The following UIMC1 variants were observed in gnomAD, a reference collection of about 807,000 sequenced individuals.
UIMC1 encodes ubiquitin interaction motif containing 1.
Under a neutral mutation model 84.9 loss-of-function variants are expected in UIMC1, and 42 were observed. The ratio of observed to expected loss-of-function variants is 0.49; its 90% CI spans 0.39 to 0.64. The LOEUF (loss-of-function observed/expected upper bound fraction) is 0.64, where lower values mean the gene tolerates loss of function less well. UIMC1 is among the 30% of genes least tolerant of loss of function. The pLI, the probability that UIMC1 is intolerant of heterozygous loss-of-function variation, is 0.00. For missense variants in UIMC1, 825 were observed against 847.6 expected (o/e 0.97, Z 0.33); for synonymous variants, 281 against 293.0 (o/e 0.96, Z 0.42).
intron 1 of UIMC1, among the ~76,000 whole-genome samples, chr5:177,016,097 G>T (rs1359548791): frequency 2.6e-5 from 4 of 151,912 alleles, no homozygotes; most frequent in Non-Finnish European, 5.9e-5. Flanking sequence ...GGACGCGGTG[G>T]CTCATGCCCA....
intron 10 of UIMC1, among the ~76,000 whole-genome samples, chr5:176,935,839 A>G (rs1763652534): frequency 6.6e-6 from 1 of 152,178 alleles, no homozygotes; most frequent in African/African-American, 2.4e-5. Flanking sequence ...AGGCATATCT[A>G]TAATAAGAAT....
chr5:177,003,899 G>A lies in UIMC1; in HGVS notation c.-9+2751C>T, dbSNP rs539362544. Among the ~76,000 whole-genome samples the A allele has an allele frequency of 1.2e-4, 19 of 152,252 alleles. No homozygotes were observed. The South Asian group carries it at 3.7e-3, about 30-fold the overall frequency. On this transcript the variant is annotated intron_variant, in intron 1 of 14. Transcript: ENST00000511320. ...GATGGAGTGCAGTGGCATGATAATA[G>A]CTCACTGCAGCCTCGACTTCCCAGG...
intron 1 of UIMC1, among the ~76,000 whole-genome samples, chr5:177,003,603 A>G (rs1774848008): frequency 6.6e-6 from 1 of 152,198 alleles, no homozygotes; most frequent in Non-Finnish European, 1.5e-5. Flanking sequence ...CAGTGAGCCA[A>G]GACTGCGCCA....
chr5:176,953,944 C>A (rs1238721667), intron 8 of UIMC1, among the ~76,000 whole-genome samples: 1 of 152,030 alleles, frequency 6.6e-6, no homozygotes, highest in Admixed American at 6.6e-5. Flanking sequence ...TATATAACTT[C>A]TAAATTATAT....
chr5:176,963,837 G>C (rs777761693), intron 6 of UIMC1, among the ~76,000 whole-genome samples: 1 of 147,686 alleles, frequency 6.8e-6, no homozygotes, highest in Non-Finnish European at 1.5e-5. Context: ...ACACAATCTG[G>C]TCATTTCTGA....
chr5:176,928,952 T>TA lies in UIMC1; in HGVS notation c.1597+14382dup, dbSNP rs991197276. ...GGCAACAGAGTGAAACTACGTCTTT[T>TA]AAAAAAAAAATTATTAATTGGCCGG... On this transcript the variant is annotated intron_variant, in intron 10 of 14. Coordinates refer to ENST00000511320, the MANE Select transcript of UIMC1 (RefSeq NM_001199298.2). Among the ~76,000 whole-genome samples the TA allele has an allele frequency of 1.9e-3, 286 of 148,780 alleles. 2 individuals are homozygous for TA. Among genetic ancestry groups the TA allele is most frequent in the African/African-American group, 6.5e-3 (263 of 40,446 alleles).
intron 11 of UIMC1, among the ~76,000 whole-genome samples, chr5:176,909,583 A>T (rs1416826440): frequency 6.6e-6 from 1 of 152,218 alleles, no homozygotes; most frequent in Non-Finnish European, 1.5e-5. Flanking sequence ...TATCTTGGAC[A>T]TCTCTTTCTG....
intron 10 of UIMC1, among the ~76,000 whole-genome samples, chr5:176,932,405 T>C (rs1354010738): frequency 1.3e-5 from 2 of 152,196 alleles, no homozygotes; most frequent in Non-Finnish European, 2.9e-5. Context: ...AGTTAAAAAC[T>C]ATAAGCAATG....
At chr5:176,956,222 A>G (rs892909240) in intron 7 of UIMC1, among the ~76,000 whole-genome samples, 187 bp from the exon 8 acceptor site, 6 of 152,226 alleles carry the variant, frequency 3.9e-5, no homozygotes, top group Non-Finnish European at 7.3e-5. Context: ...TGGAAAATAA[A>G]TATGCTTACA....
intron 6 of UIMC1, among the ~76,000 whole-genome samples, chr5:176,959,542 C>T (rs1175682635): frequency 1.3e-5 from 2 of 150,192 alleles, no homozygotes; most frequent in Non-Finnish European, 3.0e-5. Context: ...CGGTGAAACC[C>T]CGTCTCTACT....
chr5:176,924,459 C>G (rs1484494875), intron 10 of UIMC1, among the ~76,000 whole-genome samples: 1 of 151,614 alleles, frequency 6.6e-6, no homozygotes, highest in Admixed American at 6.6e-5. Flanking sequence ...TAAAGACAAA[C>G]AGATCAATTA....
chr5:176,986,669 T>A (rs1772073393), intron 1 of UIMC1, among the ~76,000 whole-genome samples: 1 of 151,784 alleles, frequency 6.6e-6, no homozygotes, highest in Non-Finnish European at 1.5e-5. Flanking sequence ...AGCAAGACCC[T>A]GTCTCTACAA....
chr5:176,963,744 T>C (rs1767889138), intron 6 of UIMC1, among the ~76,000 whole-genome samples: 1 of 151,872 alleles, frequency 6.6e-6, no homozygotes, highest in Non-Finnish European at 1.5e-5. Flanking sequence ...ATGTCTCTAT[T>C]CCATAATAAA....
chr5:176,986,112 C>A (rs1288857711), intron 1 of UIMC1, among the ~76,000 whole-genome samples: 1 of 151,060 alleles, frequency 6.6e-6, no homozygotes, highest in Non-Finnish European at 1.5e-5. Context: ...CCTGTGTCTA[C>A]AGGATAGAAG....
chr5:176,965,320 G>T (rs1195397805), intron 6 of UIMC1, among the ~76,000 whole-genome samples: 1 of 151,726 alleles, frequency 6.6e-6, no homozygotes, highest in Non-Finnish European at 1.5e-5. Context: ...CTACTCAGGA[G>T]GCTGAGGCAG....
At chr5:176,949,014 C>T (rs1554118624) in intron 9 of UIMC1, among the ~76,000 whole-genome samples, 1 of 151,820 alleles carries the variant, frequency 6.6e-6, no homozygotes, top group Non-Finnish European at 1.5e-5. Context: ...AAATATTTTC[C>T]TACTATATTT....
At chr5:176,908,720 AAC>A (rs754879985) in intron 11 of UIMC1, 26 bp from the exon 12 acceptor site, 13 of 1,604,224 alleles carry the variant, frequency 8.1e-6, no homozygotes, top group Non-Finnish European at 1.1e-5. Context: ...AAAGGAAGAA[AAC>A]ACAGTTTTAA....
At chr5:176,991,046 C>T (rs1159259598) in intron 1 of UIMC1, among the ~76,000 whole-genome samples, 4 of 151,818 alleles carry the variant, frequency 2.6e-5, no homozygotes, top group African/African-American at 4.8e-5. Flanking sequence ...CTCGCTCTTT[C>T]GCCCAGGCCA....
intron 6 of UIMC1, among the ~76,000 whole-genome samples, chr5:176,961,503 A>G (rs1341666081): frequency 6.2e-4 from 20 of 32,210 alleles, no homozygotes; most frequent in African/African-American, 1.9e-3. Flanking sequence ...AGTGAGGAGC[A>G]TCTCCGCCCG....
Sources: gnomAD v4.1 joint callset for allele counts (sites outside exome capture counted in the v4.1 genomes callset) on GRCh38, gnomAD v4.1.1 for gene constraint, MANE v1.5 for transcripts, NCBI Gene and HGNC (gene_info 2026-07-23, HGNC 2026-07-21) for gene names.